Variants in GUCY2F observed in about 807,000 individuals in gnomAD.
The protein encoded by GUCY2F is guanylate cyclase 2F, retinal, also known as retinal guanylyl cyclase 2.
A neutral mutation model predicts 73.1 loss-of-function variants in GUCY2F; 61 were observed. The ratio of observed to expected loss-of-function variants is 0.83; its 90% CI spans 0.68 to 1.03. GUCY2F has a LOEUF of 1.03. Among genes scored for constraint, GUCY2F ranks in the 50% least tolerant of loss-of-function variants. The pLI is 0.00. For synonymous variants in GUCY2F, 331 were observed against 307.8 expected (o/e 1.08, Z -0.79); for missense variants, 912 against 854.3 (o/e 1.07, Z -0.84).
At chrX:109,433,276 T>C (rs900898437) in intron 7 of GUCY2F, among the ~76,000 whole-genome samples, 2 of 111,963 alleles carry the variant, frequency 1.8e-5, no homozygotes, top group African/African-American at 6.5e-5. Context: ...AGCAGAGCTT[T>C]TTCATGCCAA....
intron 2 of GUCY2F, among the ~76,000 whole-genome samples, chrX:109,470,167 C>T (rs1395857843): frequency 8.9e-6 from 1 of 111,907 alleles, no homozygotes; most frequent in Non-Finnish European, 1.9e-5. Flanking sequence ...TTTCTCCATA[C>T]CTTGAAACAT....
At chrX:109,476,121 T>G in intron 1 of GUCY2F, 100 bp from the exon 2 acceptor site, 1 of 382,146 alleles carries the variant, frequency 2.6e-6, no homozygotes, top group Non-Finnish European at 4.4e-6. Flanking sequence ...AAAATGGCAG[T>G]GCCCAAACTA....
intron 5 of GUCY2F, 41 bp from the exon 6 acceptor site, chrX:109,448,206 T>C: frequency 1.4e-6 from 1 of 693,617 alleles, no homozygotes; most frequent in Non-Finnish European, 2.3e-6. Context: ...AGGGACTGGG[T>C]GTTTTGGCAA....
At chrX:109,381,979 C>A in intron 17 of GUCY2F, 139 bp downstream of exon 17, 1 of 397,310 alleles carries the variant, frequency 2.5e-6, no homozygotes, top group East Asian at 3.9e-5. Flanking sequence ...TTTTGGGAAC[C>A]CCAAATGGGG....
intron 6 of GUCY2F, among the ~76,000 whole-genome samples, 175 bp from the exon 7 acceptor site, chrX:109,441,657 G>A (rs1320604609): frequency 1.9e-4 from 21 of 109,154 alleles, no homozygotes; most frequent in Admixed American, 1.9e-3. Flanking sequence ...GTTCAGTGTT[G>A]GTACCCTGTT....
At chrX:109,401,826 T>C (rs987792212) in intron 10 of GUCY2F, among the ~76,000 whole-genome samples, 1 of 110,595 alleles carries the variant, frequency 9.0e-6, no homozygotes, top group Non-Finnish European at 1.9e-5. Flanking sequence ...CAGATGAGTA[T>C]ATGAAAGAGT....
intron 8 of GUCY2F, among the ~76,000 whole-genome samples, chrX:109,422,615 C>A (rs1241647366): frequency 8.9e-6 from 1 of 111,929 alleles, no homozygotes; most frequent in Non-Finnish European, 1.9e-5. Context: ...AATTAACTGA[C>A]AACATCAAAT....
At chrX:109,480,207 A>G (rs777485422) in intron 1 of GUCY2F, among the ~76,000 whole-genome samples, 3 of 111,764 alleles carry the variant, frequency 2.7e-5, no homozygotes. Context: ...CTTCTAGCAC[A>G]GCTCTCTCTG....
chrX:109,392,468 A>G (rs1930590010), intron 13 of GUCY2F, among the ~76,000 whole-genome samples: 2 of 111,757 alleles, frequency 1.8e-5, no homozygotes, highest in African/African-American at 6.5e-5. Flanking sequence ...TCATGTTACA[A>G]CATAATAAGT....
intron 12 of GUCY2F, among the ~76,000 whole-genome samples, chrX:109,394,230 T>A (rs1433965711): frequency 8.9e-6 from 1 of 111,948 alleles, no homozygotes; most frequent in Non-Finnish European, 1.9e-5. Context: ...TGATGTACAC[T>A]CCCCCTATCT....
At chrX:109,448,889 G>A (rs963152134) in intron 5 of GUCY2F, among the ~76,000 whole-genome samples, 15 of 111,941 alleles carry the variant, frequency 1.3e-4, no homozygotes, top group African/African-American at 3.9e-4. Flanking sequence ...GTTTAAACCC[G>A]ATTCTCTCTA....
chrX:109,412,160 A>T (rs1931126615), intron 8 of GUCY2F, among the ~76,000 whole-genome samples: 1 of 112,298 alleles, frequency 8.9e-6, no homozygotes, highest in Non-Finnish European at 1.9e-5. Flanking sequence ...ATAGAGAGAT[A>T]GGCTTAGAAT....
chrX:109,397,471 A>C (rs1482936504), intron 11 of GUCY2F, among the ~76,000 whole-genome samples: 3 of 112,211 alleles, frequency 2.7e-5, no homozygotes, highest in Non-Finnish European at 3.8e-5. Context: ...AAAAAAAATT[A>C]AACTTCCAGA....
chrX:109,430,526 C>T, intron 7 of GUCY2F, 130 bp from the exon 8 acceptor site: 1 of 468,665 alleles, frequency 2.1e-6, no homozygotes, highest in Admixed American at 3.5e-5. Flanking sequence ...TTCTCTCCCA[C>T]CCTCCACCTC....
At chrX:109,395,853 C>G (rs1930696263) in intron 11 of GUCY2F, among the ~76,000 whole-genome samples, 1 of 111,631 alleles carries the variant, frequency 9.0e-6, no homozygotes, top group Non-Finnish European at 1.9e-5. Context: ...CCACAATAGA[C>G]CCACTTAACT....
chrX:109,441,381 G>A lies in GUCY2F; in HGVS notation c.1671C>T (p.Thr557=). The A allele has an allele frequency of 1.7e-6, 2 of 1,155,738 alleles. No individual in the cohort carries two copies. Among genetic ancestry groups the A allele is most frequent in the Non-Finnish European group, 2.3e-6 (2 of 855,264 alleles). ...AAATCGCTATGTTGGAGTTTTCATA[G>A]GTAGCTGGAGTTAGACTCCCTGAAG... ...SFSSGSLTPA[T]YENSNIAIYE... The change falls in exon 7 of 20, where the codon ACC becomes ACT. Residue 557 remains threonine (T), a synonymous_variant. Coordinates refer to ENST00000218006, the MANE Select transcript of GUCY2F (RefSeq NM_001522.3).
intron 6 of GUCY2F, among the ~76,000 whole-genome samples, chrX:109,443,682 A>G (rs1356786668): frequency 8.9e-6 from 1 of 112,065 alleles, no homozygotes; most frequent in Non-Finnish European, 1.9e-5. Context: ...CTATACAAAT[A>G]AAAGCCTCAT....
At chrX:109,385,487 G>T (rs1930415495) in intron 15 of GUCY2F, among the ~76,000 whole-genome samples, 1 of 112,484 alleles carries the variant, frequency 8.9e-6, no homozygotes, top group African/African-American at 3.2e-5. Flanking sequence ...AGACATGACT[G>T]CCCTTCTGAT....
intron 6 of GUCY2F, among the ~76,000 whole-genome samples, chrX:109,443,952 G>A (rs1352411879): frequency 9.0e-6 from 1 of 111,597 alleles, no homozygotes; most frequent in Non-Finnish European, 1.9e-5. Context: ...TCTTAGTATT[G>A]GGTTATATAT....
Sources: allele counts gnomAD v4.1 joint callset (sites outside exome capture counted in the v4.1 genomes callset), GRCh38; gene constraint gnomAD v4.1.1; transcripts MANE v1.5; gene names NCBI Gene and HGNC (gene_info 2026-07-23, HGNC 2026-07-21).